The following PLCB4 variants were observed in gnomAD, a reference collection of about 807,000 sequenced individuals.
PLCB4 encodes 1-phosphatidylinositol 4,5-bisphosphate phosphodiesterase beta-4.
Under a neutral mutation model 178.8 loss-of-function variants are expected in PLCB4, and 77 were observed. The observed-to-expected ratio is 0.43, with a 90% CI of 0.36 to 0.52. The LOEUF is 0.52. PLCB4 is among the 20% of genes least tolerant of loss of function. PLCB4 has a pLI of 0.00. For missense variants in PLCB4, 1,024 were observed against 1,453.4 expected, an observed-to-expected ratio of 0.70 and a Z score of 4.80; for synonymous variants, 496 against 490.8, an observed-to-expected ratio of 1.01 and a Z score of -0.14.
intron 32 of PLCB4, among the ~76,000 whole-genome samples, chr20:9,452,752 A>G (rs2042841175): frequency 2.0e-5 from 3 of 152,156 alleles, no homozygotes; most frequent in Non-Finnish European, 4.4e-5. Flanking sequence ...TATCCTCATA[A>G]ACTGCTTCTA....
intron 3 of PLCB4, among the ~76,000 whole-genome samples, chr20:9,265,551 G>T (rs1434401488): frequency 6.6e-6 from 1 of 152,106 alleles, no homozygotes; most frequent in Non-Finnish European, 1.5e-5. Context: ...ATAGGGGCAA[G>T]ACTCCTGGGG....
In PLCB4 at chr20:9,479,581, A is replaced by G. The variant is rs1208173133; in HGVS notation, c.*572A>G. On this transcript the variant is annotated 3_prime_UTR_variant, in exon 40 of 40. Transcript: ENST00000378473. ...AAAAGTTGTGGAAATTGTTAGAACA[A>G]TAGAAAAATAGAGCAGTGTATGTGT... 1 of 154,412 alleles carries G rather than the reference A, an allele frequency of 6.5e-6. No homozygotes were observed. Among genetic ancestry groups the G allele is most frequent in the Non-Finnish European group, 1.4e-5 (1 of 69,266 alleles). The allele number at this position is 154,412 out of a possible 1,614,324, so 9.6% of individuals were successfully genotyped here.
rs1163643777 is a variant in PLCB4, at chr20:9,069,173, G to A, written c.-168G>A. The A allele has an allele frequency of 2.6e-5, 4 of 153,174 alleles. No individual in the cohort carries two copies. Among genetic ancestry groups the A allele is most frequent in the Non-Finnish European group, 5.8e-5 (4 of 68,544 alleles). The allele number at this position is 153,174 out of a possible 1,614,324, so 9.5% of individuals were successfully genotyped here. A position where few individuals can be genotyped will look rare whatever the true frequency, so the allele number is the denominator to read the frequency against. On this transcript the variant is annotated 5_prime_UTR_variant, in exon 1 of 40. Coordinates refer to ENST00000378473, the MANE Select transcript of PLCB4 (RefSeq NM_001377142.1). Reference sequence around the variant, plus strand: ...GGGTCTCCAGGCAGCGGCCGTCGCCGCATCCCCGGCAGCAGCTCCAGGCAA... The same window carrying A: ...GGGTCTCCAGGCAGCGGCCGTCGCCACATCCCCGGCAGCAGCTCCAGGCAA...
At chr20:9,410,129 C>A (rs531865717) in intron 24 of PLCB4, among the ~76,000 whole-genome samples, 79 of 152,312 alleles carry the variant, frequency 5.2e-4, no homozygotes, top group African/African-American at 1.8e-3. Context: ...GACTTTCATT[C>A]CTTTGGCATG....
At chr20:9,345,219 G>GT (rs2033670904) in intron 7 of PLCB4, among the ~76,000 whole-genome samples, 1 of 151,736 alleles carries the variant, frequency 6.6e-6, no homozygotes, top group Admixed American at 6.6e-5. Context: ...CCAAATGAAG[G>GT]TATTTTCCCA....
intron 12 of PLCB4, among the ~76,000 whole-genome samples, chr20:9,375,423 A>G (rs1457266256): frequency 2.6e-5 from 4 of 152,170 alleles, no homozygotes; most frequent in Non-Finnish European, 4.4e-5. Flanking sequence ...TCAACAAGCC[A>G]GTATTCAACA....
At chr20:9,376,918 C>T (rs2036724901) in intron 12 of PLCB4, among the ~76,000 whole-genome samples, 2 of 152,070 alleles carry the variant, frequency 1.3e-5, no homozygotes, top group Admixed American at 1.3e-4. Flanking sequence ...CAGGGCTCAA[C>T]CTGACTTTTT....
intron 7 of PLCB4, among the ~76,000 whole-genome samples, chr20:9,352,095 T>G (rs73066437): frequency 0.05 from 7,588 of 152,298 alleles, 265 homozygotes; most frequent in Non-Finnish European, 0.076. Flanking sequence ...AATCCCTCCA[T>G]TCTTCTAGAG....
At chr20:9,478,011 T>A (rs1050703566) in intron 39 of PLCB4, among the ~76,000 whole-genome samples, 3 of 152,176 alleles carry the variant, frequency 2.0e-5, no homozygotes, top group Admixed American at 6.6e-5. Context: ...ATGTCCTTTA[T>A]TTCAAAGCAG....
chr20:9,274,089 G>C (rs1332778973), intron 3 of PLCB4, among the ~76,000 whole-genome samples: 1 of 152,014 alleles, frequency 6.6e-6, no homozygotes. Context: ...GAATTAGACA[G>C]AAGAGTCACA....
At chr20:9,083,558 G>T (rs6140856) in intron 1 of PLCB4, among the ~76,000 whole-genome samples, 74,054 of 151,868 alleles carry the variant, frequency 0.49, 18,563 homozygotes, top group Middle Eastern at 0.57. Flanking sequence ...TTAGGCTTAG[G>T]CATTGTGCCC....
At chr20:9,194,585 C>G (rs971460683) in intron 2 of PLCB4, among the ~76,000 whole-genome samples, 1 of 145,280 alleles carries the variant, frequency 6.9e-6, no homozygotes, top group African/African-American at 2.6e-5. Flanking sequence ...CCCAGCTACT[C>G]GGGAGGCTGA....
chr20:9,225,111 T>C (rs2093847300), intron 3 of PLCB4, among the ~76,000 whole-genome samples: 2 of 152,294 alleles, frequency 1.3e-5, no homozygotes, highest in South Asian at 2.1e-4. Context: ...AAGGGCTAGA[T>C]ATTCAAAAAA....
rs1039862877 is a variant in PLCB4, at chr20:9,283,487, G to C, written c.-15-24313G>C. ...TACTTTAAAGTTTCAGAAGCAAGAT[G>C]CTGTCTTGCTGCTGATCATTTATAG... On this transcript the variant is annotated intron_variant, in intron 3 of 39. Transcript: ENST00000378473. 8.6e-5 allele frequency among the ~76,000 whole-genome samples: 13 copies of C among 152,018 alleles called. No individual in the cohort carries two copies. In the East Asian group the frequency reaches 2.1e-3, roughly 25 times the overall value.
At chr20:9,122,301 G>A (rs536987755) in intron 2 of PLCB4, among the ~76,000 whole-genome samples, 2 of 151,932 alleles carry the variant, frequency 1.3e-5, no homozygotes, top group African/African-American at 4.8e-5. Context: ...ATTATATACT[G>A]TATTTTAAAA....
At chr20:9,223,778 T>A (rs557508254) in intron 3 of PLCB4, among the ~76,000 whole-genome samples, 2 of 152,306 alleles carry the variant, frequency 1.3e-5, no homozygotes, top group South Asian at 4.1e-4. Context: ...TCTGTAGGGG[T>A]TACGTCCCAA....
chr20:9,247,946 C>G (rs911790305), intron 3 of PLCB4, among the ~76,000 whole-genome samples: 2 of 151,842 alleles, frequency 1.3e-5, no homozygotes. Context: ...ATTTAAATAG[C>G]CTGTAATACC....
At chr20:9,198,112 A>G (rs2093495724) in intron 2 of PLCB4, among the ~76,000 whole-genome samples, 1 of 152,258 alleles carries the variant, frequency 6.6e-6, no homozygotes, top group Non-Finnish European at 1.5e-5. Context: ...TGTGGTAAAC[A>G]TGTTAGGTCC....
chr20:9,401,401 GT>G lies in PLCB4; in HGVS notation c.1511-88del, dbSNP rs1331319217. 6 of 816,598 alleles carry G rather than the reference GT, an allele frequency of 7.3e-6. No homozygotes were observed. In the African/African-American group the frequency reaches 8.5e-5, roughly 12 times the overall value. The allele number at this position is 816,598 out of a possible 1,614,324, so 50.6% of individuals were successfully genotyped here. A position where few individuals can be genotyped will look rare whatever the true frequency, so the allele number is the denominator to read the frequency against. On this transcript the variant is annotated intron_variant, in intron 19 of 39. Coordinates refer to ENST00000378473, the MANE Select transcript of PLCB4 (RefSeq NM_001377142.1). ...CTTTTAGCATCCTTTTTCTCTAAAA[GT>G]GCTTATGTTCTACCCAAGATTGTGA...
Sources: gnomAD v4.1 joint callset for allele counts (sites outside exome capture counted in the v4.1 genomes callset) on GRCh38, gnomAD v4.1.1 for gene constraint, MANE v1.5 for transcripts, NCBI Gene and HGNC (gene_info 2026-07-23, HGNC 2026-07-21) for gene names.